The following NRXN2 variants were observed in gnomAD, a reference collection of about 807,000 sequenced individuals.
NRXN2 encodes the protein neurexin-2-beta.
In NRXN2, 29 loss-of-function variants were observed where a neutral mutation model predicts 128.8. That is an observed-to-expected ratio of 0.23 (90% CI 0.17 to 0.31). The LOEUF is 0.31. Ranked by LOEUF, NRXN2 falls within the 10% of genes least tolerant of loss-of-function variation. The pLI, the probability that NRXN2 is intolerant of heterozygous loss-of-function variation, is 1.00. For synonymous variants in NRXN2, 1,098 were observed against 1,075.2 expected (o/e 1.02, Z -0.41); for missense variants, 1,881 against 2,452.6 (o/e 0.77, Z 4.92).
chr11:64,659,023 C>CA (rs561585111), intron 11 of NRXN2, among the ~76,000 whole-genome samples: 111 of 151,956 alleles, frequency 7.3e-4, no homozygotes, highest in Non-Finnish European at 1.4e-3. Context: ...GACTCCATCT[C>CA]AAAAAACAAA....
In NRXN2 at chr11:64,633,631, A is replaced by G. The variant is rs1281281004; in HGVS notation, c.3585+1640T>C. On this transcript the variant is annotated intron_variant, in intron 18 of 22. Transcript: ENST00000265459. ...CCAGAAAGGCAATTGAAACAACTGCAAACACCACTACATGGGGAAATACAC... is the reference window on the plus strand; with the variant it reads ...CCAGAAAGGCAATTGAAACAACTGCGAACACCACTACATGGGGAAATACAC... Among the ~76,000 whole-genome samples the G allele has an allele frequency of 2.0e-5, 3 of 152,154 alleles. No individual in the cohort carries two copies. The East Asian group carries it at 5.8e-4, about 29-fold the overall frequency.
chr11:64,703,789 A>T (rs1195982838), intron 2 of NRXN2, among the ~76,000 whole-genome samples: 5 of 152,154 alleles, frequency 3.3e-5, no homozygotes, highest in African/African-American at 7.2e-5. Context: ...TAATAACCAT[A>T]GTACCATTTA....
intron 1 of NRXN2, among the ~76,000 whole-genome samples, chr11:64,721,645 CCCTT>C (rs1328509165): frequency 1.3e-5 from 2 of 152,148 alleles, no homozygotes; most frequent in East Asian, 1.9e-4. Flanking sequence ...CCTTCCCTCT[CCCTT>C]CTTTCTTTCT....
chr11:64,651,300 T>C lies in NRXN2; in HGVS notation c.2873A>G (p.Asn958Ser), dbSNP rs1356585165. The C allele has an allele frequency of 2.5e-6, 4 of 1,613,950 alleles. No homozygotes were observed. Among genetic ancestry groups the C allele is most frequent in the Non-Finnish European group, 2.5e-6 (3 of 1,180,028 alleles). Reference protein sequence around the residue: ...TTAPDGLLLFNSGNGNDFIVI... With the variant: ...TTAPDGLLLFSSGNGNDFIVI... ...AATGAAGTCATTGCCGTTGCCCGAG[T>C]TGAACAGAAGAAGCCCATCAGGGGC... The change falls in exon 14 of 23, where the codon AAC becomes AGC. Residue 958 changes from asparagine (N) to serine (S), a missense_variant. By Grantham distance (46) the Asn-to-Ser change is conservative. Around this residue, in one of 7 missense-constraint regions of NRXN2, gnomAD observed 390 missense variants for 599.6 expected, o/e 0.65. Transcript: ENST00000265459. The surrounding 1 kb of genome is among the most constrained non-coding windows in gnomAD (Gnocchi z 5.9).
intron 7 of NRXN2, among the ~76,000 whole-genome samples, chr11:64,673,170 T>C (rs965895875): frequency 2.6e-5 from 4 of 152,220 alleles, no homozygotes. Flanking sequence ...TGCCTGCTAC[T>C]TGCAGTCCAG....
chr11:64,692,558 T>G (rs2053945876), intron 4 of NRXN2, among the ~76,000 whole-genome samples: 1 of 152,138 alleles, frequency 6.6e-6, no homozygotes, highest in Non-Finnish European at 1.5e-5. Flanking sequence ...CGGCAGGAGT[T>G]CAAACATCTC....
rs546405332 is a variant in NRXN2 at position 64,630,719 on chromosome 11, C to T, written c.3586-146G>A. On this transcript the variant is annotated intron_variant, in intron 18 of 22. Transcript: ENST00000265459. The surrounding 1 kb of genome is among the most constrained non-coding windows in gnomAD (Gnocchi z 4.6). ...TCAACCGCTGGAGGAGGTGGGCAGG[C>T]TCGCTCCCCTTCCCCACATGCAAGG... 5 of 899,370 alleles carry T rather than the reference C, an allele frequency of 5.6e-6. No homozygotes were observed. The highest frequency in any genetic ancestry group is 5.3e-5 in the East Asian group (2 of 37,522). 55.7% of individuals were successfully genotyped at this position (899,370 alleles called of 1,614,324 possible). A position where few individuals can be genotyped will look rare whatever the true frequency, so the allele number is the denominator to read the frequency against.
chr11:64,657,368 G>C (rs1165060353), intron 11 of NRXN2, among the ~76,000 whole-genome samples: 1 of 152,202 alleles, frequency 6.6e-6, no homozygotes. Flanking sequence ...ACCTAGTAGA[G>C]GACAACTCCA....
chr11:64,689,160 T>A (rs572433986), intron 5 of NRXN2, among the ~76,000 whole-genome samples: 13 of 151,352 alleles, frequency 8.6e-5, no homozygotes, highest in African/African-American at 3.1e-4. Context: ...CCATAAAGCA[T>A]CCCACAAATA....
rs368194505 is a variant in NRXN2 at position 64,672,574 on chromosome 11, G to GT, written c.1198-3971dup. ...ATTGTGTGCAAAACTGCCTCCGTGG[G>GT]TTTTTTTCCTGTGAGAGTCCATTGC... On this transcript the variant is annotated intron_variant, in intron 7 of 22. Coordinates refer to ENST00000265459, the MANE Select transcript of NRXN2 (RefSeq NM_015080.4). Among the ~76,000 whole-genome samples, 499 of 152,172 alleles carry GT rather than the reference G, an allele frequency of 3.3e-3. 3 individuals carry two copies. Among genetic ancestry groups the GT allele is most frequent in the African/African-American group, 0.011 (454 of 41,510 alleles).
chr11:64,708,946 C>T (rs2056612465), intron 2 of NRXN2, among the ~76,000 whole-genome samples: 1 of 152,146 alleles, frequency 6.6e-6, no homozygotes, highest in African/African-American at 2.4e-5. Flanking sequence ...AATCCCAGCA[C>T]TTTGAGAGGC....
At position 64,723,143 on chromosome 11, in the gene NRXN2, A is replaced by G. The variant is rs2057483154; in HGVS notation, c.-417T>C. The G allele has an allele frequency of 9.8e-6, 1 of 101,566 alleles. No homozygotes were observed. The highest frequency in any genetic ancestry group is 3.3e-4 in the South Asian group (1 of 3,034). The allele number at this position is 101,566 out of a possible 1,614,324, so 6.3% of individuals were successfully genotyped here. ...CCGCCGCGGTGCCTCTCCGAGGAGG[A>G]TGCTCCGCGAGTCAGGGCGGCTGCT... On this transcript the variant is annotated 5_prime_UTR_variant, in exon 1 of 23. Transcript: ENST00000265459.
At chr11:64,609,768 G>A (rs1460500536) in intron 22 of NRXN2, among the ~76,000 whole-genome samples, 1 of 152,172 alleles carries the variant, frequency 6.6e-6, no homozygotes, top group East Asian at 1.9e-4. Context: ...GAGGGTTGGA[G>A]GTTTCCTCTC....
chr11:64,618,661 C>T (rs2041885720), intron 22 of NRXN2, among the ~76,000 whole-genome samples: 1 of 152,176 alleles, frequency 6.6e-6, no homozygotes, highest in Non-Finnish European at 1.5e-5. Context: ...GCAATGGAGG[C>T]ATTGGAGTGT....
chr11:64,677,133 T>G, intron 6 of NRXN2, 96 bp from the exon 7 acceptor site: 3 of 846,744 alleles, frequency 3.5e-6, no homozygotes, highest in Non-Finnish European at 3.8e-6. Flanking sequence ...AAAAGAAAAA[T>G]AAAATGACCA....
intron 6 of NRXN2, among the ~76,000 whole-genome samples, chr11:64,685,276 C>T (rs2052865498): frequency 6.6e-6 from 1 of 152,158 alleles, no homozygotes; most frequent in Admixed American, 6.5e-5. Context: ...CCAGGAGCAC[C>T]CATTCAGGCA....
chr11:64,720,581 C>A (rs998995995), intron 1 of NRXN2, among the ~76,000 whole-genome samples: 1 of 152,022 alleles, frequency 6.6e-6, no homozygotes, highest in East Asian at 1.9e-4. Context: ...GGAGGCCCTG[C>A]GCCGAAGGTA....
intron 9 of NRXN2, among the ~76,000 whole-genome samples, chr11:64,661,648 ATATAT>A (rs2049049088): frequency 6.6e-6 from 1 of 152,218 alleles, no homozygotes; most frequent in Non-Finnish European, 1.5e-5. Flanking sequence ...AGCACTTTAA[ATATAT>A]TATATCACTT....
At chr11:64,710,244 C>T (rs926715797) in intron 2 of NRXN2, among the ~76,000 whole-genome samples, 1 of 152,076 alleles carries the variant, frequency 6.6e-6, no homozygotes, top group Non-Finnish European at 1.5e-5. Flanking sequence ...CTCTCACACA[C>T]ACACAGACAC....
Sources: gnomAD v4.1 joint callset for allele counts (sites outside exome capture counted in the v4.1 genomes callset) on GRCh38, gnomAD v4.1.1 for gene constraint, gnomAD v4.1.1 regional missense constraint, Gnocchi (gnomAD v3.1) non-coding constraint, MANE v1.5 for transcripts, NCBI Gene and HGNC (gene_info 2026-07-23, HGNC 2026-07-21) for gene names.